Variants in UBE2W observed in about 807,000 individuals in gnomAD.
UBE2W encodes the protein ubiquitin conjugating enzyme E2 W.
A neutral mutation model predicts 27.2 loss-of-function variants in UBE2W; 18 were observed. That is an observed-to-expected ratio of 0.66 (90% CI 0.46 to 0.98). The LOEUF (loss-of-function observed/expected upper bound fraction) is 0.98. Ranked by LOEUF, UBE2W falls within the 50% of genes least tolerant of loss-of-function variation. The pLI, the probability that UBE2W is intolerant of heterozygous loss-of-function variation, is 0.00. For missense variants in UBE2W, 90 were observed against 180.2 expected, an observed-to-expected ratio of 0.50 and a Z score of 2.87; for synonymous variants, 53 against 57.2, an observed-to-expected ratio of 0.93 and a Z score of 0.33.
At chr8:73,835,315 A>G (rs1158731956) in intron 1 of UBE2W, among the ~76,000 whole-genome samples, 6 of 152,180 alleles carry the variant, frequency 3.9e-5, no homozygotes. Flanking sequence ...AACTTTCAAG[A>G]TAATTCCCAA....
At position 73,791,572 on chromosome 8, in the gene UBE2W, T is replaced by C; in HGVS notation, c.*2530A>G. The C allele has an allele frequency of 1.0e-6, 1 of 985,246 alleles. No individual in the cohort carries two copies. Among genetic ancestry groups the C allele is most frequent in the African/African-American group, 1.7e-5 (1 of 57,344 alleles). The allele number at this position is 985,246 out of a possible 1,614,324, so 61.0% of individuals were successfully genotyped here. A position where few individuals can be genotyped will look rare whatever the true frequency, so the allele number is the denominator to read the frequency against. On this transcript the variant is annotated 3_prime_UTR_variant, in exon 6 of 6. Coordinates refer to ENST00000602593, the MANE Select transcript of UBE2W (RefSeq NM_018299.6). ...ATGCATTACAGAGAAATATTCTTTT[T>C]ATTATTACAAGCCATTAATTGCTCT...
rs1392833019 is a variant in UBE2W at position 73,867,262 on chromosome 8, TGCA to T, written c.15+11543_15+11545del. The stretch of plus-strand genomic sequence containing the variant: ...CTAAAATATAAAAACTAGGGCTGGG[TGCA>T]GTGGCTCACGCCTGTAATCCCAGCA... On this transcript the variant is annotated intron_variant, in intron 1 of 5. Coordinates refer to ENST00000602593, the MANE Select transcript of UBE2W (RefSeq NM_018299.6). Among the ~76,000 whole-genome samples the T allele has an allele frequency of 1.3e-4, 20 of 151,082 alleles. No individual in the cohort carries two copies. The East Asian group carries it at 3.8e-3, about 29-fold the overall frequency.
intron 3 of UBE2W, among the ~76,000 whole-genome samples, chr8:73,812,322 T>C (rs1809186256): frequency 1.3e-5 from 2 of 152,136 alleles, no homozygotes; most frequent in Non-Finnish European, 2.9e-5. Context: ...TGAAAGGACT[T>C]TGATTTTGTA....
At chr8:73,808,281 G>A (rs1586460224) in intron 4 of UBE2W, among the ~76,000 whole-genome samples, 1 of 152,116 alleles carries the variant, frequency 6.6e-6, no homozygotes, top group African/African-American at 2.4e-5. Context: ...TATTACCCAG[G>A]TTGGAGTGCA....
At chr8:73,846,157 G>A (rs1414594645) in intron 1 of UBE2W, among the ~76,000 whole-genome samples, 1 of 152,170 alleles carries the variant, frequency 6.6e-6, no homozygotes, top group Non-Finnish European at 1.5e-5. Flanking sequence ...GGAGGCTGAG[G>A]CGGGTAGATC....
intron 3 of UBE2W, among the ~76,000 whole-genome samples, chr8:73,813,037 A>C (rs1443920649): frequency 8.0e-6 from 1 of 124,330 alleles, no homozygotes; most frequent in Non-Finnish European, 1.6e-5. Flanking sequence ...TTTCCCAGTA[A>C]GGTCTCTATC....
rs913385063 is a variant in UBE2W at position 73,793,489 on chromosome 8, T to A, written c.*613A>T. On this transcript the variant is annotated 3_prime_UTR_variant, in exon 6 of 6. Transcript: ENST00000602593. The stretch of plus-strand genomic sequence containing the variant: ...CATGTCAAAACAACTTGACAGTAGA[T>A]ATAAACAATTCAATAAATATGCAAT... The A allele has an allele frequency of 4.1e-6, 4 of 985,540 alleles. No individual in the cohort carries two copies. The South Asian group carries it at 1.9e-4, about 46-fold the overall frequency. 61.0% of individuals were successfully genotyped at this position (985,540 alleles called of 1,614,324 possible).
intron 5 of UBE2W, among the ~76,000 whole-genome samples, chr8:73,795,024 A>C (rs1486496243): frequency 6.6e-6 from 1 of 152,130 alleles, no homozygotes; most frequent in Non-Finnish European, 1.5e-5. Flanking sequence ...TATTTTACAA[A>C]ATTTATTTCA....
At chr8:73,813,576 C>T (rs1423598099) in intron 3 of UBE2W, among the ~76,000 whole-genome samples, 1 of 152,176 alleles carries the variant, frequency 6.6e-6, no homozygotes, top group African/African-American at 2.4e-5. Flanking sequence ...ATAGGTAACC[C>T]TTAGGGCCTA....
At chr8:73,837,506 CTT>C (rs1039180392) in intron 1 of UBE2W, among the ~76,000 whole-genome samples, 1 of 151,198 alleles carries the variant, frequency 6.6e-6, no homozygotes, top group Non-Finnish European at 1.5e-5. Context: ...GAGTGAGACT[CTT>C]GTCTTAAAAA....
chr8:73,877,859 A>T (rs370041829), intron 1 of UBE2W, among the ~76,000 whole-genome samples: 2 of 149,188 alleles, frequency 1.3e-5, no homozygotes, highest in Non-Finnish European at 3.0e-5. Flanking sequence ...AAACAAAAAA[A>T]CCCACAACTC....
At chr8:73,875,834 G>A (rs1812195477) in intron 1 of UBE2W, among the ~76,000 whole-genome samples, 1 of 152,122 alleles carries the variant, frequency 6.6e-6, no homozygotes, top group Non-Finnish European at 1.5e-5. Flanking sequence ...TGGATCGCCT[G>A]AGGTCAGGAG....
At chr8:73,870,198 T>C in intron 1 of UBE2W, 1 of 1,495,606 alleles carries the variant, frequency 6.7e-7, no homozygotes, top group South Asian at 1.2e-5. Context: ...AAAATGGACT[T>C]TAATAGCTCA....
At chr8:73,836,895 G>A (rs1810330352) in intron 1 of UBE2W, among the ~76,000 whole-genome samples, 1 of 152,202 alleles carries the variant, frequency 6.6e-6, no homozygotes, top group Non-Finnish European at 1.5e-5. Context: ...GAAAATAACT[G>A]CAGAATGTTA....
intron 4 of UBE2W, 68 bp from the exon 5 acceptor site, chr8:73,805,794 A>T: frequency 1.1e-6 from 1 of 910,124 alleles, no homozygotes; most frequent in South Asian, 2.2e-5. Flanking sequence ...TTTTAATAAA[A>T]GCTTAAGAAA....
intron 1 of UBE2W, among the ~76,000 whole-genome samples, chr8:73,865,933 G>T (rs1288134805): frequency 6.6e-6 from 1 of 152,150 alleles, no homozygotes; most frequent in East Asian, 1.9e-4. Context: ...AAAGACTGAA[G>T]TTGATAACGC....
chr8:73,793,627 G>T lies in UBE2W; in HGVS notation c.*475C>A. 1 of 986,484 alleles carries T rather than the reference G, an allele frequency of 1.0e-6. No homozygotes were observed. The highest frequency in any genetic ancestry group is 1.2e-6 in the Non-Finnish European group (1 of 830,480). The allele number at this position is 986,484 out of a possible 1,614,324, so 61.1% of individuals were successfully genotyped here. ...TTGGGGTGACTTTTAAAGTAATGTTGGATCCCTCACTTTATTTATATTCCC... is the reference window on the plus strand; with the variant it reads ...TTGGGGTGACTTTTAAAGTAATGTTTGATCCCTCACTTTATTTATATTCCC... On this transcript the variant is annotated 3_prime_UTR_variant, in exon 6 of 6. Coordinates refer to ENST00000602593, the MANE Select transcript of UBE2W (RefSeq NM_018299.6).
Position 73,788,097 on chromosome 8 carries a change from T to C in UBE2W, c.*6005A>G, listed in dbSNP as rs1365221361. The C allele has an allele frequency of 1.0e-6, 1 of 984,092 alleles. No homozygotes were observed. The highest frequency in any genetic ancestry group is 1.7e-5 in the African/African-American group (1 of 57,198). The allele number at this position is 984,092 out of a possible 1,614,324, so 61.0% of individuals were successfully genotyped here. A position where few individuals can be genotyped will look rare whatever the true frequency, so the allele number is the denominator to read the frequency against. ...AAACCAAAAAGAGGTCTGGTATCTA[T>C]CCCATTTAGTATTCAAGTCTACAGA... On this transcript the variant is annotated 3_prime_UTR_variant, in exon 6 of 6. Coordinates refer to ENST00000602593, the MANE Select transcript of UBE2W (RefSeq NM_018299.6).
At chr8:73,827,167 T>C (rs965926541) in intron 2 of UBE2W, among the ~76,000 whole-genome samples, 1 of 152,168 alleles carries the variant, frequency 6.6e-6, no homozygotes, top group African/African-American at 2.4e-5. Flanking sequence ...GACATGCAGA[T>C]ACTGACACGA....
Sources: allele counts gnomAD v4.1 joint callset (sites outside exome capture counted in the v4.1 genomes callset), GRCh38; gene constraint gnomAD v4.1.1; transcripts MANE v1.5; gene names NCBI Gene and HGNC (gene_info 2026-07-23, HGNC 2026-07-21).